Variants in KAT6A observed in about 807,000 individuals in gnomAD.
The protein encoded by KAT6A is histone acetyltransferase KAT6A.
Under a neutral mutation model 198.4 loss-of-function variants are expected in KAT6A, and 9 were observed. That is an observed-to-expected ratio of 0.05 (90% CI 0.03 to 0.08). The LOEUF (loss-of-function observed/expected upper bound fraction) is 0.08. Among genes scored for constraint, KAT6A ranks in the 10% least tolerant of loss-of-function variants. The pLI is 1.00. For synonymous variants in KAT6A, 890 were observed against 883.0 expected, an observed-to-expected ratio of 1.01 and a Z score of -0.14; for missense variants, 2,077 against 2,509.9, an observed-to-expected ratio of 0.83 and a Z score of 3.69.
intron 2 of KAT6A, among the ~76,000 whole-genome samples, chr8:42,018,907 G>A (rs915805152): frequency 2.0e-5 from 3 of 152,130 alleles, no homozygotes; most frequent in Non-Finnish European, 4.4e-5. Context: ...GCGACAGAGC[G>A]AGACTCTGCC....
intron 2 of KAT6A, among the ~76,000 whole-genome samples, chr8:42,018,267 G>A (rs1826363775): frequency 6.6e-6 from 1 of 152,200 alleles, no homozygotes; most frequent in Admixed American, 6.5e-5. Context: ...CAGGCACGGT[G>A]GCTCACACCT....
In KAT6A at chr8:41,932,624, A is replaced by G; in HGVS notation, c.5596T>C (p.Ser1866Pro). Residue 1866 changes from serine (S) to proline (P), a missense_variant, in exon 17 of 17, where the codon TCT becomes CCT. Ser to Pro is a moderately conservative substitution (Grantham distance 74). Transcript: ENST00000265713. ...SIRSKSAPLP[S>P]AAAHQQQLYG... is the part of the protein sequence containing the mutation. ...AGCTGCTGCTGGTGAGCAGCCGCAGAGGGCAGTGGCGCAGACTTGGAGCGG... is the reference window on the plus strand; with the variant it reads ...AGCTGCTGCTGGTGAGCAGCCGCAGGGGGCAGTGGCGCAGACTTGGAGCGG... 1 of 1,614,046 alleles carries G rather than the reference A, an allele frequency of 6.2e-7. No homozygotes were observed. Among genetic ancestry groups the G allele is most frequent in the Non-Finnish European group, 8.5e-7 (1 of 1,179,886 alleles).
intron 2 of KAT6A, among the ~76,000 whole-genome samples, chr8:42,005,382 T>G (rs1825688076): frequency 6.6e-6 from 1 of 152,258 alleles, no homozygotes. Context: ...TTAACGAGTT[T>G]GAAGCCTGAG....
chr8:41,959,031 G>A (rs748441585), intron 8 of KAT6A, among the ~76,000 whole-genome samples: 3 of 151,882 alleles, frequency 2.0e-5, no homozygotes, highest in Non-Finnish European at 2.9e-5. Flanking sequence ...GCTTGGTGGC[G>A]GGCACCTGTA....
intron 16 of KAT6A, among the ~76,000 whole-genome samples, chr8:41,936,974 T>A (rs567373032): frequency 2.6e-5 from 4 of 152,344 alleles, no homozygotes; most frequent in Admixed American, 6.5e-5. Flanking sequence ...AACTAAAGAT[T>A]CTGATAAAGG....
rs748181357 is a variant in KAT6A, at chr8:41,932,755, T to C, written c.5465A>G (p.Asn1822Ser). 4.3e-6 allele frequency: 7 copies of C among 1,614,032 alleles called. No homozygotes were observed. In the East Asian group the frequency reaches 6.7e-5, roughly 15 times the overall value. Reference protein sequence around the residue: ...PPPNLASTTMNLTSPLLQCNM... With the variant: ...PPPNLASTTMSLTSPLLQCNM... ...GCACTGAAGCAGAGGAGATGTGAGG[T>C]TCATGGTAGTGGATGCCAAGTTTGG... The change falls in exon 17 of 17, where the codon AAC (asparagine) becomes AGC (serine). Residue 1822 changes from asparagine to serine, a missense_variant. By Grantham distance (46) the Asn-to-Ser change is conservative. Transcript: ENST00000265713.
chr8:42,031,039 G>GC lies in KAT6A; in HGVS notation c.600+17338_600+17339insG, dbSNP rs33986538. ...TGCTGCCAAATGCAAAAAAAAAAAA[G>GC]GGGGGGGGGACAGGAGAAATGTATA... On this transcript the variant is annotated intron_variant, in intron 2 of 16. Transcript: ENST00000265713. 2.4e-4 allele frequency among the ~76,000 whole-genome samples: 4 copies of GC among 16,636 alleles called. 1 individual carries two copies. Among genetic ancestry groups the GC allele is most frequent in the South Asian group, 2.6e-3 (1 of 386 alleles). 10.9% of individuals were successfully genotyped at this position (16,636 alleles called of 152,430 possible).
chr8:41,984,840 G>A lies in KAT6A; in HGVS notation c.709+2615C>T, dbSNP rs563295591. Among the ~76,000 whole-genome samples the A allele has an allele frequency of 3.8e-4, 58 of 152,030 alleles. No homozygotes were observed. In the South Asian group the frequency reaches 8.8e-3, roughly 23 times the overall value. On this transcript the variant is annotated intron_variant, in intron 3 of 16. Coordinates refer to ENST00000265713, the MANE Select transcript of KAT6A (RefSeq NM_006766.5). ...CTACTAAAAATACCAAAAATTAGCC[G>A]GGCGTGGTGGCAGGCACCTGTAATC...
rs1564003928 is a variant in KAT6A, at chr8:41,933,392, C to T, written c.4828G>A (p.Ala1610Thr). 6.2e-7 allele frequency: 1 copy of T among 1,606,820 alleles called. No individual in the cohort carries two copies. The change falls in exon 17 of 17, where the codon GCC (alanine) becomes ACC (threonine). Residue 1610 changes from alanine (A) to threonine (T), a missense_variant. Physicochemically the swap from Ala to Thr is moderately conservative, Grantham distance 58. Coordinates refer to ENST00000265713, the MANE Select transcript of KAT6A (RefSeq NM_006766.5). The surrounding 1 kb of genome is among the most constrained non-coding windows in gnomAD (Gnocchi z 6.2). ...ATGCTGCAGCTGCTGCCCATGCTGG[C>T]CATCTGCTGAGTGACCACACAGCTG... is the stretch of plus-strand genomic sequence containing the variant. ...QSSCVVTQQM[A>T]SMGSSCSMMQ... is the part of the protein sequence containing the mutation.
At position 41,930,850 on chromosome 8, in the gene KAT6A, A is replaced by T. The variant is rs561235543; in HGVS notation, c.*1355T>A. Reference sequence around the variant, plus strand: ...TGGGAGCAACACATGAACTTGCGTTATAACATTCTGCTGTCCAGATCTGCC... The same window carrying T: ...TGGGAGCAACACATGAACTTGCGTTTTAACATTCTGCTGTCCAGATCTGCC... On this transcript the variant is annotated 3_prime_UTR_variant, in exon 17 of 17. Transcript: ENST00000265713. The T allele has an allele frequency of 4.8e-6, 1 of 207,270 alleles. No individual in the cohort carries two copies. The highest frequency in any genetic ancestry group is 9.8e-6 in the Non-Finnish European group (1 of 102,060). The allele number at this position is 207,270 out of a possible 1,614,324, so 12.8% of individuals were successfully genotyped here. A position where few individuals can be genotyped will look rare whatever the true frequency, so the allele number is the denominator to read the frequency against.
At chr8:42,018,384 G>A (rs1168037758) in intron 2 of KAT6A, among the ~76,000 whole-genome samples, 1 of 152,166 alleles carries the variant, frequency 6.6e-6, no homozygotes, top group African/African-American at 2.4e-5. Context: ...GGTGGCACAT[G>A]CCTGTTAATT....
chr8:41,962,640 C>T (rs1037567908), intron 8 of KAT6A, among the ~76,000 whole-genome samples: 1 of 151,978 alleles, frequency 6.6e-6, no homozygotes, highest in African/African-American at 2.4e-5. Context: ...CCAGAGAAAT[C>T]CTGTTAAAAC....
chr8:42,001,481 CAAA>C (rs1478131248), intron 2 of KAT6A, among the ~76,000 whole-genome samples: 1 of 151,988 alleles, frequency 6.6e-6, no homozygotes. Flanking sequence ...AGGGACTTTT[CAAA>C]AAACTGTCTA....
chr8:41,973,647 C>A (rs1823913438), intron 8 of KAT6A, among the ~76,000 whole-genome samples: 1 of 152,136 alleles, frequency 6.6e-6, no homozygotes, highest in Admixed American at 6.5e-5. Flanking sequence ...AGCCCCTGCA[C>A]TTTTCCAACC....
At chr8:41,941,620 T>C (rs1409568424) in intron 14 of KAT6A, among the ~76,000 whole-genome samples, 176 bp from the exon 15 acceptor site, 1 of 152,234 alleles carries the variant, frequency 6.6e-6, no homozygotes, top group African/African-American at 2.4e-5. Flanking sequence ...ATTCTGTATA[T>C]GCATTATTTA....
intron 2 of KAT6A, among the ~76,000 whole-genome samples, chr8:42,009,804 G>A (rs1375384497): frequency 2.7e-5 from 4 of 147,664 alleles, no homozygotes; most frequent in African/African-American, 1.0e-4. Context: ...AAAGGCTGAG[G>A]TGAAAGGATT....
intron 2 of KAT6A, among the ~76,000 whole-genome samples, chr8:41,995,099 T>C (rs1243491944): frequency 3.3e-5 from 5 of 152,000 alleles, no homozygotes; most frequent in African/African-American, 9.7e-5. Flanking sequence ...GCCTAGTATA[T>C]AGAAGTCACT....
Position 41,934,522 on chromosome 8 carries a change from G to C in KAT6A, c.3698C>G (p.Ala1233Gly). 6.2e-7 allele frequency: 1 copy of C among 1,613,522 alleles called. No homozygotes were observed. Among genetic ancestry groups the C allele is most frequent in the Non-Finnish European group, 8.5e-7 (1 of 1,179,824 alleles). The change falls in exon 17 of 17, where the codon GCA becomes GGA. Residue 1233 changes from alanine (A) to glycine (G), a missense_variant. Around this residue, in one of 13 missense-constraint regions of KAT6A, gnomAD observed 375 missense variants for 383.0 expected, o/e 0.98. Transcript: ENST00000265713. ...RKEEEEMQAE[A>G]EEAEEGEEED... The stretch of plus-strand genomic sequence containing the variant: ...TTCCTCACCCTCTTCAGCCTCTTCT[G>C]CCTCTGCTTGCATCTCCTCCTCCTC...
chr8:41,983,035 G>A (rs191920197), intron 3 of KAT6A, among the ~76,000 whole-genome samples: 1 of 152,276 alleles, frequency 6.6e-6, no homozygotes, highest in African/African-American at 2.4e-5. Context: ...TTTAAGGCAT[G>A]CAAGCTAAAA....
Sources: gnomAD v4.1 joint callset for allele counts (sites outside exome capture counted in the v4.1 genomes callset) on GRCh38, gnomAD v4.1.1 for gene constraint, gnomAD v4.1.1 regional missense constraint, Gnocchi (gnomAD v3.1) non-coding constraint, MANE v1.5 for transcripts, NCBI Gene and HGNC (gene_info 2026-07-23, HGNC 2026-07-21) for gene names.